Variants in FHOD3 observed in about 807,000 individuals in gnomAD.
The protein encoded by FHOD3 is FH1/FH2 domain-containing protein 3.
FHOD3 carries 90 observed loss-of-function variants against 173.0 expected under a neutral mutation model. That is an observed-to-expected ratio of 0.52 (90% CI 0.44 to 0.62). The LOEUF (loss-of-function observed/expected upper bound fraction) is 0.62. FHOD3 is among the 20% of genes least tolerant of loss of function. The pLI, the probability that FHOD3 is intolerant of heterozygous loss-of-function variation, is 0.00. For synonymous variants in FHOD3, 828 were observed against 823.0 expected (o/e 1.01, Z -0.10); for missense variants, 1,945 against 2,034.7 (o/e 0.96, Z 0.85).
At chr18:36,608,104 T>C (rs143020184) in intron 8 of FHOD3, among the ~76,000 whole-genome samples, 197 of 152,376 alleles carry the variant, frequency 1.3e-3, no homozygotes, top group African/African-American at 4.6e-3. Flanking sequence ...AAAGCTGCTT[T>C]CACGTTTTCA....
chr18:36,635,468 G>A (rs1461196916), intron 10 of FHOD3, among the ~76,000 whole-genome samples: 3 of 152,210 alleles, frequency 2.0e-5, no homozygotes, highest in African/African-American at 7.2e-5. Context: ...AGAGCAGGCT[G>A]CACAAAGAGA....
chr18:36,736,712 G>T (rs1293134978), intron 20 of FHOD3, among the ~76,000 whole-genome samples: 3 of 152,152 alleles, frequency 2.0e-5, no homozygotes, highest in East Asian at 1.9e-4. Flanking sequence ...GGAGCCTGGG[G>T]TTTTTATGGG....
chr18:36,333,887 C>A (rs543780225), intron 1 of FHOD3, among the ~76,000 whole-genome samples: 1 of 152,326 alleles, frequency 6.6e-6, no homozygotes, highest in Non-Finnish European at 1.5e-5. Context: ...CCCACCTGTG[C>A]TTTTTCTTTT....
chr18:36,308,248 A>G (rs533014889), intron 1 of FHOD3, among the ~76,000 whole-genome samples: 6 of 152,338 alleles, frequency 3.9e-5, no homozygotes, highest in Non-Finnish European at 8.8e-5. Flanking sequence ...CTTCCTTAAG[A>G]CGAATTCTCA....
intron 5 of FHOD3, among the ~76,000 whole-genome samples, chr18:36,553,546 G>T (rs2057750471): frequency 6.6e-6 from 1 of 152,134 alleles, no homozygotes; most frequent in South Asian, 2.1e-4. Context: ...TTTAGTCTTG[G>T]GAGGGTGTAT....
intron 2 of FHOD3, among the ~76,000 whole-genome samples, chr18:36,361,111 T>A (rs115462615): frequency 6.6e-6 from 1 of 151,910 alleles, no homozygotes; most frequent in African/African-American, 2.4e-5. Context: ...AGGGTGCAGG[T>A]GTGTTGGCTG....
chr18:36,689,383 G>A (rs471713), intron 16 of FHOD3, among the ~76,000 whole-genome samples: 70,302 of 152,034 alleles, frequency 0.46, 16,492 homozygotes, highest in East Asian at 0.66. Context: ...AGTCACAGCA[G>A]ATGGTTTTTG....
At chr18:36,484,035 A>T (rs1214499886) in intron 3 of FHOD3, among the ~76,000 whole-genome samples, 1 of 152,180 alleles carries the variant, frequency 6.6e-6, no homozygotes, top group African/African-American at 2.4e-5. Context: ...GCTGAAGCTA[A>T]ATCTGTTCTT....
chr18:36,671,012 G>A lies in FHOD3; in HGVS notation c.1836-10424G>A, dbSNP rs2037497265. On this transcript the variant is annotated intron_variant, in intron 14 of 28. Transcript: ENST00000590592. ...CTGTTGGGAACAGGCAGTACTCTCT[G>A]CCTTATATAATTTCCAGACACTGTT... is the stretch of plus-strand genomic sequence containing the variant. Among the ~76,000 whole-genome samples the A allele has an allele frequency of 1.3e-5, 2 of 152,230 alleles. 1 individual carries two copies.
At chr18:36,724,322 G>A (rs575345244) in intron 19 of FHOD3, among the ~76,000 whole-genome samples, 2 of 152,302 alleles carry the variant, frequency 1.3e-5, no homozygotes, top group East Asian at 1.9e-4. Flanking sequence ...TCTGCCCCAC[G>A]GAGTGGCTGA....
chr18:36,390,185 C>T (rs562982804), intron 3 of FHOD3, among the ~76,000 whole-genome samples: 2 of 152,204 alleles, frequency 1.3e-5, no homozygotes, highest in South Asian at 2.1e-4. Context: ...AATTGTCAAG[C>T]AGCCTAGACA....
At chr18:36,609,474 A>G (rs895610385) in intron 8 of FHOD3, among the ~76,000 whole-genome samples, 1 of 152,190 alleles carries the variant, frequency 6.6e-6, no homozygotes, top group Admixed American at 6.5e-5. Flanking sequence ...CGCAGCCTGC[A>G]TAAAAGGTGA....
chr18:36,700,363 C>G (rs1468032494), intron 17 of FHOD3, among the ~76,000 whole-genome samples: 3 of 152,180 alleles, frequency 2.0e-5, no homozygotes, highest in Admixed American at 6.5e-5. Flanking sequence ...ATGTCTATCT[C>G]TCATCCAGAA....
At chr18:36,473,571 G>T (rs2053402124) in intron 3 of FHOD3, among the ~76,000 whole-genome samples, 1 of 152,188 alleles carries the variant, frequency 6.6e-6, no homozygotes. Context: ...CCAATTTCAA[G>T]TTGAGGGGAA....
chr18:36,332,351 A>G (rs1948984552), intron 1 of FHOD3, among the ~76,000 whole-genome samples: 1 of 152,152 alleles, frequency 6.6e-6, no homozygotes, highest in Non-Finnish European at 1.5e-5. Context: ...TCTCCTTGCA[A>G]GGCTTCTCTT....
chr18:36,776,192 T>A (rs1406059376), intron 28 of FHOD3, among the ~76,000 whole-genome samples: 1 of 151,988 alleles, frequency 6.6e-6, no homozygotes, highest in Non-Finnish European at 1.5e-5. Context: ...AGCCTTTTTT[T>A]TTTTTTTGCT....
At chr18:36,459,468 T>TG (rs1156772280) in intron 3 of FHOD3, among the ~76,000 whole-genome samples, 1 of 151,992 alleles carries the variant, frequency 6.6e-6, no homozygotes, top group African/African-American at 2.4e-5. Flanking sequence ...GGGAGTACCT[T>TG]GGGGTAGTTG....
In FHOD3 at chr18:36,457,278, T is replaced by A. The variant is rs535064200; in HGVS notation, c.338-44654T>A. Among the ~76,000 whole-genome samples the A allele has an allele frequency of 7.2e-5, 11 of 152,222 alleles. No individual in the cohort carries two copies. The South Asian group carries it at 2.3e-3, about 32-fold the overall frequency. On this transcript the variant is annotated intron_variant, in intron 3 of 28. Transcript: ENST00000590592. ...GACTTAATGCTGGACTTGCGTTTTT[T>A]AATAAATGTAATATGCTGAAGCGCA...
intron 3 of FHOD3, among the ~76,000 whole-genome samples, chr18:36,440,741 C>T (rs192364942): frequency 2.0e-4 from 30 of 152,378 alleles, no homozygotes; most frequent in Admixed American, 7.2e-4. Flanking sequence ...TATCTCCCCA[C>T]ATAATCAACA....
Sources: allele counts gnomAD v4.1 joint callset (sites outside exome capture counted in the v4.1 genomes callset), GRCh38; gene constraint gnomAD v4.1.1; transcripts MANE v1.5; gene names NCBI Gene and HGNC (gene_info 2026-07-23, HGNC 2026-07-21).